The following ZNF331 variants were observed in gnomAD, a reference collection of about 807,000 sequenced individuals.
The protein encoded by ZNF331 is zinc finger protein 331.
Under a neutral mutation model 7.0 loss-of-function variants are expected in ZNF331, and 2 were observed. The observed-to-expected ratio is 0.29, with a 90% CI of 0.12 to 0.90. The LOEUF (loss-of-function observed/expected upper bound fraction) is 0.90, where lower values mean the gene tolerates loss of function less well. ZNF331 is among the 40% of genes least tolerant of loss of function. The pLI is 0.58. For synonymous variants in ZNF331, 196 were observed against 205.4 expected (o/e 0.95, Z 0.39); for missense variants, 432 against 587.7 (o/e 0.74, Z 2.74).
chr19:53,547,818 A>T (rs953567067), intron 2 of ZNF331, among the ~76,000 whole-genome samples: 2 of 152,076 alleles, frequency 1.3e-5, no homozygotes, highest in African/African-American at 2.4e-5. Flanking sequence ...AGCAATTTGT[A>T]TGTGTTCTAT....
intron 3 of ZNF331, among the ~76,000 whole-genome samples, chr19:53,561,400 G>GT (rs1217038589): frequency 2.7e-5 from 4 of 149,078 alleles, no homozygotes; most frequent in Non-Finnish European, 4.4e-5. Flanking sequence ...TAAATTACCC[G>GT]TAATTGTGCG....
In ZNF331 at chr19:53,571,326, A is replaced by T. The variant is rs2090435164; in HGVS notation, c.10-278A>T. On this transcript the variant is annotated intron_variant, in intron 4 of 5. Transcript: ENST00000449416. The surrounding 1 kb of genome is among the most constrained non-coding windows in gnomAD (Gnocchi z 4.7). ...TAGCAGACACTGCTTGTAAGCAAGA[A>T]GAAAACTTGGATTGTTTTATCCACT... 6.6e-6 allele frequency among the ~76,000 whole-genome samples: 1 copy of T among 152,208 alleles called. No homozygotes were observed. Among genetic ancestry groups the T allele is most frequent in the Non-Finnish European group, 1.5e-5 (1 of 68,052 alleles).
chr19:53,575,978 A>G (rs914127131), intron 5 of ZNF331, among the ~76,000 whole-genome samples: 3 of 142,130 alleles, frequency 2.1e-5, no homozygotes, highest in African/African-American at 8.0e-5. Flanking sequence ...CACCGTGCCC[A>G]GTCTGTTTTT....
chr19:53,526,588 C>T (rs2087304168), intron 2 of ZNF331, among the ~76,000 whole-genome samples: 1 of 151,588 alleles, frequency 6.6e-6, no homozygotes. Flanking sequence ...GAGTCTCGCC[C>T]TGTCACCAGG....
rs2089773988 is a variant in ZNF331, at chr19:53,560,078, C to G, written c.-74+4170C>G. 6.6e-6 allele frequency among the ~76,000 whole-genome samples: 1 copy of G among 150,684 alleles called. No individual in the cohort carries two copies. Among genetic ancestry groups the G allele is most frequent in the South Asian group, 2.1e-4 (1 of 4,792 alleles). On this transcript the variant is annotated intron_variant, in intron 3 of 5. Transcript: ENST00000449416. This position sits in a 1 kb window ranked among gnomAD's most constrained non-coding sequence, Gnocchi z 4.3. ...CACACCTACATATACATACCATACACACACATATATACACACATATACCCA... is the reference window on the plus strand; with the variant it reads ...CACACCTACATATACATACCATACAGACACATATATACACACATATACCCA...
chr19:53,522,882 A>C (rs1206823910), intron 2 of ZNF331, among the ~76,000 whole-genome samples: 2 of 152,246 alleles, frequency 1.3e-5, no homozygotes, highest in Non-Finnish European at 2.9e-5. Flanking sequence ...AAATTGTCTA[A>C]GAATCTGATG....
chr19:53,518,712 A>G (rs539076083), upstream of ZNF331, among the ~76,000 whole-genome samples: 1 of 152,352 alleles, frequency 6.6e-6, no homozygotes, highest in African/African-American at 2.4e-5. Context: ...ACATCAAGAG[A>G]AAAGAGATAG....
At chr19:53,511,272 C>T in the ZNF331 span, among the ~76,000 whole-genome samples, 1 of 151,922 alleles carries the variant, frequency 6.6e-6, no homozygotes, top group Non-Finnish European at 1.5e-5. Flanking sequence ...AAGGAAAAGA[C>T]AAAAGAATAC....
At chr19:53,520,730 G>T (rs2087037313), upstream of ZNF331, among the ~76,000 whole-genome samples, 1 of 152,214 alleles carries the variant, frequency 6.6e-6, no homozygotes, top group Admixed American at 6.5e-5. Flanking sequence ...TTGCCTGCAG[G>T]GAAACACTGA....
At chr19:53,561,850 C>CA (rs958324280) in intron 3 of ZNF331, among the ~76,000 whole-genome samples, 7 of 150,838 alleles carry the variant, frequency 4.6e-5, no homozygotes, top group Non-Finnish European at 7.4e-5. Flanking sequence ...GAGACCATCT[C>CA]AAAAAAAAAC....
chr19:53,543,194 G>A (rs1214377430), intron 2 of ZNF331, among the ~76,000 whole-genome samples: 1 of 152,154 alleles, frequency 6.6e-6, no homozygotes, highest in Admixed American at 6.5e-5. Flanking sequence ...AGGCTGTGAG[G>A]CAGGAGGATC....
chr19:53,554,169 G>C (rs1329339558), intron 2 of ZNF331, among the ~76,000 whole-genome samples: 1 of 152,190 alleles, frequency 6.6e-6, no homozygotes, highest in African/African-American at 2.4e-5. Context: ...TGCGCGCCAA[G>C]CATGGGGGTA....
intron 5 of ZNF331, among the ~76,000 whole-genome samples, chr19:53,574,639 G>A (rs1463517741): frequency 1.3e-5 from 2 of 152,014 alleles, no homozygotes; most frequent in Non-Finnish European, 1.5e-5. Context: ...TCATATCTAG[G>A]TGTTGGCAGT....
intron 3 of ZNF331, among the ~76,000 whole-genome samples, chr19:53,564,944 A>G (rs1375905221): frequency 6.6e-6 from 1 of 152,266 alleles, no homozygotes; most frequent in East Asian, 1.9e-4. Context: ...CCTAGAAAAA[A>G]CTGATTTTTT....
chr19:53,570,951 C>T (rs1286312325), intron 4 of ZNF331, among the ~76,000 whole-genome samples: 1 of 151,794 alleles, frequency 6.6e-6, no homozygotes, highest in African/African-American at 2.4e-5. Context: ...CTGACCACCC[C>T]GGGTTCATGC....
the ZNF331 span, among the ~76,000 whole-genome samples, chr19:53,510,554 G>T: frequency 6.6e-6 from 1 of 151,370 alleles, no homozygotes; most frequent in Non-Finnish European, 1.5e-5. Flanking sequence ...CTATTTCTGA[G>T]TTGTGAGCTC....
chr19:53,546,140 G>GAAAAAAAAAAAAA (rs527391326), intron 2 of ZNF331, among the ~76,000 whole-genome samples: 26 of 113,504 alleles, frequency 2.3e-4, no homozygotes, highest in South Asian at 6.9e-4. Flanking sequence ...TCCTGAGGGG[G>GAAAAAAAAAAAAA]AAAAAAAAAA....
the ZNF331 span, among the ~76,000 whole-genome samples, chr19:53,513,683 A>G: frequency 4.0e-5 from 6 of 151,862 alleles, no homozygotes; most frequent in Non-Finnish European, 8.8e-5. Flanking sequence ...ATGGATTCTC[A>G]CTCTGTTGCC....
In ZNF331 at chr19:53,560,397, A is replaced by G. The variant is rs1223093489; in HGVS notation, c.-74+4489A>G. Reference sequence around the variant, plus strand: ...CAGATAGACACACATATACACAAACATACACACAATTATATCACAAGGTCT... The same window carrying G: ...CAGATAGACACACATATACACAAACGTACACACAATTATATCACAAGGTCT... On this transcript the variant is annotated intron_variant, in intron 3 of 5. Coordinates refer to ENST00000449416, the MANE Select transcript of ZNF331 (RefSeq NM_001079906.2). The surrounding 1 kb of genome is among the most constrained non-coding windows in gnomAD (Gnocchi z 4.3). Among the ~76,000 whole-genome samples, 2 of 152,122 alleles carry G rather than the reference A, an allele frequency of 1.3e-5. No homozygotes were observed. The highest frequency in any genetic ancestry group is 4.8e-5 in the African/African-American group (2 of 41,412).
Sources: gnomAD v4.1 joint callset for allele counts (sites outside exome capture counted in the v4.1 genomes callset) on GRCh38, gnomAD v4.1.1 for gene constraint, Gnocchi (gnomAD v3.1) non-coding constraint, MANE v1.5 for transcripts, NCBI Gene and HGNC (gene_info 2026-07-23, HGNC 2026-07-21) for gene names.